Variants in PCDHGA6 observed in about 807,000 individuals in gnomAD.
PCDHGA6 encodes protocadherin gamma-A6.
PCDHGA6 carries 41 observed loss-of-function variants against 60.6 expected under a neutral mutation model. The ratio of observed to expected loss-of-function variants is 0.68; its 90% CI spans 0.53 to 0.88. PCDHGA6 has a LOEUF of 0.88. Among genes scored for constraint, PCDHGA6 ranks in the 40% least tolerant of loss-of-function variants. The pLI, the probability that PCDHGA6 is intolerant of heterozygous loss-of-function variation, is 0.00. For missense variants in PCDHGA6, 1,312 were observed against 1,203.0 expected (o/e 1.09, Z -1.34); for synonymous variants, 594 against 524.4 (o/e 1.13, Z -1.81).
chr5:141,410,019 A>C, intron 1 of PCDHGA6: 2 of 1,613,204 alleles, frequency 1.2e-6, no homozygotes, highest in African/African-American at 2.7e-5. Context: ...TGGCTGTCCT[A>C]CCACGTGCTG....
intron 2 of PCDHGA6, among the ~76,000 whole-genome samples, chr5:141,502,686 C>T (rs2099815631): frequency 6.6e-6 from 1 of 152,136 alleles, no homozygotes; most frequent in Admixed American, 6.5e-5. Flanking sequence ...CCCTGATGAT[C>T]CTTGCCTGTA....
intron 1 of PCDHGA6, chr5:141,399,025 CAAAAG>C (rs750003738): frequency 6.8e-6 from 11 of 1,613,846 alleles, no homozygotes; most frequent in Admixed American, 5.0e-5. Context: ...AATTACCACT[CAAAAG>C]AAACTGGATT....
intron 1 of PCDHGA6, chr5:141,427,962 G>C (rs767684725): frequency 5.0e-6 from 8 of 1,589,982 alleles, no homozygotes; most frequent in Non-Finnish European, 6.9e-6. Flanking sequence ...TGTGCCGCGG[G>C]TGCTGTACCC....
At chr5:141,408,812 G>T (rs1383299883) in intron 1 of PCDHGA6, 2 of 1,613,454 alleles carry the variant, frequency 1.2e-6, no homozygotes, top group Non-Finnish European at 8.5e-7. Context: ...AGACCGGGAA[G>T]AACAGAGATC....
intron 1 of PCDHGA6, chr5:141,430,984 C>A (rs765063685): frequency 6.2e-7 from 1 of 1,613,648 alleles, no homozygotes; most frequent in South Asian, 1.1e-5. Flanking sequence ...CGCAGCTTTT[C>A]GCCCTGAATC....
chr5:141,413,785 C>T (rs771027783), intron 1 of PCDHGA6: 1 of 1,613,186 alleles, frequency 6.2e-7, no homozygotes, highest in Non-Finnish European at 8.5e-7. Flanking sequence ...GGAGCACTCC[C>T]TAGATCGCGA....
At chr5:141,421,376 C>T in intron 1 of PCDHGA6, 2 of 1,614,030 alleles carry the variant, frequency 1.2e-6, no homozygotes, top group Non-Finnish European at 1.7e-6. Context: ...GGCAATATCT[C>T]CAAGGACCTG....
chr5:141,464,583 C>T (rs768431243), intron 1 of PCDHGA6, among the ~76,000 whole-genome samples: 6 of 152,024 alleles, frequency 3.9e-5, no homozygotes, highest in Admixed American at 2.0e-4. Context: ...TGAGAATGTC[C>T]ATTGTCCCAT....
chr5:141,510,833 C>T (rs2099882936), intron 3 of PCDHGA6, 114 bp from the exon 4 acceptor site: 46 of 1,577,678 alleles, frequency 2.9e-5, no homozygotes, highest in South Asian at 2.5e-4. Context: ...CAGTGCTCAG[C>T]GTGGTCAAGG....
intron 1 of PCDHGA6, chr5:141,484,875 T>G: frequency 3.2e-6 from 1 of 317,108 alleles, no homozygotes; most frequent in Non-Finnish European, 5.8e-6. Context: ...GCGTGGAGGA[T>G]AGGGTGGGCT....
chr5:141,474,180 A>G (rs763042503), intron 1 of PCDHGA6, among the ~76,000 whole-genome samples: 4 of 152,240 alleles, frequency 2.6e-5, no homozygotes, highest in Non-Finnish European at 4.4e-5. Context: ...TGAGAAAACT[A>G]CTTACATTTT....
chr5:141,384,827 T>A lies in PCDHGA6; in HGVS notation c.2424+8320T>A, dbSNP rs182404532. ...AGAGATGCCCTCAAGCAGAGCCTCG[T>A]GGTGGCCGTCCAGGACCACGGTCAG... On this transcript the variant is annotated intron_variant, in intron 1 of 3. Transcript: ENST00000517434. The A allele has an allele frequency of 2.2e-4, 348 of 1,613,356 alleles. No individual in the cohort carries two copies. The highest frequency in any genetic ancestry group is 2.5e-4 in the Non-Finnish European group (296 of 1,179,908).
At chr5:141,419,770 G>C in intron 1 of PCDHGA6, 1 of 1,614,006 alleles carries the variant, frequency 6.2e-7, no homozygotes, top group Non-Finnish European at 8.5e-7. Context: ...ACAAGGACTC[G>C]GTCCGCCAGC....
chr5:141,380,680 C>A (rs952566953), intron 1 of PCDHGA6, among the ~76,000 whole-genome samples: 2 of 152,184 alleles, frequency 1.3e-5, no homozygotes, highest in Middle Eastern at 3.2e-3. Context: ...GGTATGTATG[C>A]TTTGTGTTCG....
chr5:141,494,185 GAC>G (rs2099752607), intron 1 of PCDHGA6, among the ~76,000 whole-genome samples: 1 of 152,154 alleles, frequency 6.6e-6, no homozygotes, highest in Non-Finnish European at 1.5e-5. Context: ...AGTGTCCCGG[GAC>G]TTGGATGCCC....
Position 141,512,423 on chromosome 5 carries a change from T to C in PCDHGA6, c.*1250T>C, listed in dbSNP as rs2099884220. ...GATGGGGCTTCTTCAACAGGGCCCC[T>C]GCCCTCCTGAAGCCTCAGTCCTTCA... is the stretch of plus-strand genomic sequence containing the variant. On this transcript the variant is annotated 3_prime_UTR_variant, in exon 4 of 4. Transcript: ENST00000517434. 1 of 152,754 alleles carries C rather than the reference T, an allele frequency of 6.5e-6. No individual in the cohort carries two copies. The highest frequency in any genetic ancestry group is 6.5e-5 in the Admixed American group (1 of 15,274). The allele number at this position is 152,754 out of a possible 1,614,324, so 9.5% of individuals were successfully genotyped here.
At chr5:141,399,511 C>A (rs1252813422) in intron 1 of PCDHGA6, 1 of 1,613,924 alleles carries the variant, frequency 6.2e-7, no homozygotes, top group African/African-American at 1.3e-5. Flanking sequence ...CGAAAACAAC[C>A]CTCCTGGGGC....
At chr5:141,380,748 C>A (rs1776705964) in intron 1 of PCDHGA6, among the ~76,000 whole-genome samples, 1 of 151,948 alleles carries the variant, frequency 6.6e-6, no homozygotes, top group African/African-American at 2.4e-5. Flanking sequence ...AAGAAGGTAC[C>A]AAGACACTAT....
chr5:141,400,789 C>G (rs1415192979), intron 1 of PCDHGA6: 1 of 561,844 alleles, frequency 1.8e-6, no homozygotes, highest in Non-Finnish European at 3.1e-6. Context: ...TTTTTGTCCT[C>G]TTTCTCAAAG....
Sources: gnomAD v4.1 joint callset for allele counts (sites outside exome capture counted in the v4.1 genomes callset) on GRCh38, gnomAD v4.1.1 for gene constraint, MANE v1.5 for transcripts, NCBI Gene and HGNC (gene_info 2026-07-23, HGNC 2026-07-21) for gene names.